Variants in DOK6 observed in about 807,000 individuals in gnomAD.
DOK6 encodes the protein docking protein 6.
A neutral mutation model predicts 44.0 loss-of-function variants in DOK6; 22 were observed. The ratio of observed to expected loss-of-function variants is 0.50; its 90% CI spans 0.36 to 0.71. The LOEUF (loss-of-function observed/expected upper bound fraction) is 0.71. Among genes scored for constraint, DOK6 ranks in the 30% least tolerant of loss-of-function variants. The pLI is 0.00. For missense variants in DOK6, 340 were observed against 416.4 expected, an observed-to-expected ratio of 0.82 and a Z score of 1.60; for synonymous variants, 166 against 145.5, an observed-to-expected ratio of 1.14 and a Z score of -1.01.
At chr18:69,541,431 A>T (rs996819736) in intron 1 of DOK6, among the ~76,000 whole-genome samples, 1 of 151,566 alleles carries the variant, frequency 6.6e-6, no homozygotes, top group South Asian at 2.1e-4. Flanking sequence ...GACTGAGTGC[A>T]TTATTATATA....
intron 1 of DOK6, among the ~76,000 whole-genome samples, chr18:69,506,185 A>G (rs963921723): frequency 6.6e-6 from 1 of 152,024 alleles, no homozygotes; most frequent in Non-Finnish European, 1.5e-5. Context: ...AGTTATAAAG[A>G]CTCTTTTTTA....
chr18:69,472,425 C>T (rs540589294), intron 1 of DOK6, among the ~76,000 whole-genome samples: 2 of 152,284 alleles, frequency 1.3e-5, no homozygotes, highest in South Asian at 4.1e-4. Context: ...GCCTTAGGGT[C>T]TCAGATTTCT....
chr18:69,794,349 C>T (rs543169621), intron 7 of DOK6, among the ~76,000 whole-genome samples: 46 of 152,250 alleles, frequency 3.0e-4, no homozygotes, highest in Admixed American at 9.2e-4. Flanking sequence ...ATGTCATTAG[C>T]AAAAGGAGAA....
intron 1 of DOK6, among the ~76,000 whole-genome samples, chr18:69,529,223 A>G (rs966603832): frequency 2.0e-5 from 3 of 152,164 alleles, no homozygotes; most frequent in African/African-American, 7.2e-5. Flanking sequence ...TTTTTATTCC[A>G]GTCTTTATTT....
chr18:69,540,113 A>G (rs1982230784), intron 1 of DOK6, among the ~76,000 whole-genome samples: 1 of 152,156 alleles, frequency 6.6e-6, no homozygotes, highest in African/African-American at 2.4e-5. Context: ...CCAGGATCCA[A>G]TCACCTCCCA....
intron 3 of DOK6, 99 bp downstream of exon 3, chr18:69,599,597 C>T: frequency 2.3e-6 from 2 of 880,208 alleles, no homozygotes; most frequent in Non-Finnish European, 3.5e-6. Context: ...GGATGGCCTA[C>T]TGTCATGAGA....
intron 1 of DOK6, among the ~76,000 whole-genome samples, chr18:69,474,392 T>A (rs1239175995): frequency 1.3e-5 from 2 of 152,212 alleles, no homozygotes; most frequent in African/African-American, 4.8e-5. Flanking sequence ...AAAGATTGAA[T>A]GACTCTGATG....
chr18:69,777,694 C>T (rs1328453542), intron 7 of DOK6, among the ~76,000 whole-genome samples: 2 of 150,004 alleles, frequency 1.3e-5, no homozygotes, highest in Non-Finnish European at 3.0e-5. Flanking sequence ...TCTCTCTCCT[C>T]AGCCCCTACA....
At chr18:69,751,446 G>A (rs1251021572) in intron 6 of DOK6, among the ~76,000 whole-genome samples, 1 of 152,102 alleles carries the variant, frequency 6.6e-6, no homozygotes, top group Admixed American at 6.5e-5. Flanking sequence ...TCAGTCATTT[G>A]AAATTAACAC....
chr18:69,537,333 G>A (rs774339917), intron 1 of DOK6, among the ~76,000 whole-genome samples: 47 of 152,034 alleles, frequency 3.1e-4, no homozygotes, highest in Middle Eastern at 3.4e-3. Flanking sequence ...TTTTCCGCGG[G>A]CTATGTCAGG....
intron 5 of DOK6, among the ~76,000 whole-genome samples, chr18:69,705,980 C>T (rs550825564): frequency 1.3e-4 from 19 of 151,896 alleles, no homozygotes; most frequent in Non-Finnish European, 2.4e-4. Context: ...GAGAATACCA[C>T]CCTTTGATAT....
chr18:69,587,523 T>A (rs1983530709), intron 2 of DOK6, among the ~76,000 whole-genome samples: 1 of 152,140 alleles, frequency 6.6e-6, no homozygotes, highest in Admixed American at 6.6e-5. Flanking sequence ...TAAGGGCACA[T>A]ACGCAGGTTC....
At chr18:69,742,622 T>C (rs1402597597) in intron 6 of DOK6, among the ~76,000 whole-genome samples, 2 of 152,148 alleles carry the variant, frequency 1.3e-5, no homozygotes, top group Non-Finnish European at 2.9e-5. Flanking sequence ...TATTAACCAT[T>C]CACAAGATTA....
chr18:69,706,369 T>C (rs1462144828), intron 5 of DOK6, among the ~76,000 whole-genome samples: 3 of 152,080 alleles, frequency 2.0e-5, no homozygotes, highest in Non-Finnish European at 4.4e-5. Context: ...TATTTACATT[T>C]CAAAGAGAGG....
rs578025154 is a variant in DOK6 at position 69,625,977 on chromosome 18, T to C, written c.289+26479T>C. On this transcript the variant is annotated intron_variant, in intron 3 of 7. Coordinates refer to ENST00000382713, the MANE Select transcript of DOK6 (RefSeq NM_152721.6). The stretch of plus-strand genomic sequence containing the variant: ...TAGAAAAAATATGGTCTGATCCCTA[T>C]ATTTCTGGACAAAGTAAAGATGAAC... 3.3e-5 allele frequency among the ~76,000 whole-genome samples: 5 copies of C among 152,334 alleles called. No homozygotes were observed. The South Asian group carries it at 1.0e-3, about 32-fold the overall frequency.
intron 1 of DOK6, among the ~76,000 whole-genome samples, chr18:69,463,480 T>A (rs1979842159): frequency 6.6e-6 from 1 of 152,158 alleles, no homozygotes; most frequent in Admixed American, 6.5e-5. Context: ...CTCTTCCATA[T>A]CATCTCCCCT....
intron 1 of DOK6, among the ~76,000 whole-genome samples, chr18:69,508,956 G>A (rs115904525): frequency 0.012 from 1,853 of 152,254 alleles, 39 homozygotes; most frequent in African/African-American, 0.041. Context: ...GCTTTTAAAA[G>A]CAAATTATAT....
intron 4 of DOK6, 33 bp from the exon 5 acceptor site, chr18:69,698,371 A>G: frequency 3.2e-6 from 5 of 1,572,778 alleles, no homozygotes; most frequent in Non-Finnish European, 4.3e-6. Context: ...ACCTCTTTTC[A>G]CTTAACCTTC....
intron 5 of DOK6, among the ~76,000 whole-genome samples, chr18:69,708,118 C>A (rs1986676091): frequency 6.6e-6 from 1 of 151,998 alleles, no homozygotes; most frequent in African/African-American, 2.4e-5. Context: ...TATGTCATGT[C>A]AAAAAATAAA....
Sources: gnomAD v4.1 joint callset for allele counts (sites outside exome capture counted in the v4.1 genomes callset) on GRCh38, gnomAD v4.1.1 for gene constraint, MANE v1.5 for transcripts, NCBI Gene and HGNC (gene_info 2026-07-23, HGNC 2026-07-21) for gene names.